The following SPIDR variants were observed in gnomAD, a reference collection of about 807,000 sequenced individuals.
SPIDR encodes scaffold protein involved in DNA repair, also known as DNA repair-scaffolding protein.
Under a neutral mutation model 104.6 loss-of-function variants are expected in SPIDR, and 93 were observed. That is an observed-to-expected ratio of 0.89 (90% CI 0.75 to 1.06). SPIDR has a LOEUF of 1.06. SPIDR is among the 50% of genes least tolerant of loss of function. SPIDR has a pLI of 0.00. For synonymous variants in SPIDR, 431 were observed against 416.9 expected (o/e 1.03, Z -0.41); for missense variants, 1,154 against 1,111.2 (o/e 1.04, Z -0.55).
At chr8:47,677,768 C>T (rs936204213) in intron 11 of SPIDR, among the ~76,000 whole-genome samples, 2 of 152,160 alleles carry the variant, frequency 1.3e-5, no homozygotes, top group Non-Finnish European at 2.9e-5. Flanking sequence ...CAGAAGGTTT[C>T]ATGAAAGAAG....
intron 4 of SPIDR, among the ~76,000 whole-genome samples, chr8:47,291,820 G>A (rs1239269860): frequency 6.6e-6 from 1 of 152,154 alleles, no homozygotes; most frequent in Non-Finnish European, 1.5e-5. Flanking sequence ...GTGTGGTAGA[G>A]GTGTAACGTA....
intron 10 of SPIDR, among the ~76,000 whole-genome samples, chr8:47,655,344 C>T (rs147469594): frequency 1.1e-3 from 160 of 152,306 alleles, no homozygotes; most frequent in African/African-American, 3.5e-3. Context: ...GTCCCACCAA[C>T]AGTAAAACTG....
At chr8:47,451,594 A>G (rs2071746981) in intron 8 of SPIDR, among the ~76,000 whole-genome samples, 1 of 151,784 alleles carries the variant, frequency 6.6e-6, no homozygotes, top group Non-Finnish European at 1.5e-5. Context: ...ACACACACAC[A>G]CACACACACA....
At chr8:47,427,373 A>G (rs942436485) in intron 7 of SPIDR, among the ~76,000 whole-genome samples, 1 of 151,638 alleles carries the variant, frequency 6.6e-6, no homozygotes. Context: ...TGTTTTTACC[A>G]TTATAGGGAG....
At chr8:47,317,623 G>A (rs1336729486) in intron 5 of SPIDR, among the ~76,000 whole-genome samples, 3 of 152,258 alleles carry the variant, frequency 2.0e-5, no homozygotes, top group East Asian at 3.9e-4. Flanking sequence ...GCAGCTGGAG[G>A]TCTGAGAACA....
chr8:47,303,167 G>C (rs1172564752), intron 5 of SPIDR, among the ~76,000 whole-genome samples: 1 of 152,188 alleles, frequency 6.6e-6, no homozygotes, highest in Non-Finnish European at 1.5e-5. Context: ...CCGCAGCCTG[G>C]CTGCTGCCTT....
intron 5 of SPIDR, among the ~76,000 whole-genome samples, chr8:47,323,207 T>C (rs1275067516): frequency 6.6e-6 from 1 of 152,198 alleles, no homozygotes; most frequent in African/African-American, 2.4e-5. Flanking sequence ...ATGTATATAT[T>C]GGTTTTTGCT....
chr8:47,380,331 C>T (rs782596533), intron 5 of SPIDR, among the ~76,000 whole-genome samples: 1 of 152,180 alleles, frequency 6.6e-6, no homozygotes, highest in Non-Finnish European at 1.5e-5. Flanking sequence ...GTCAGAATTC[C>T]ACAGGTGTAC....
At chr8:47,613,751 T>G (rs2063897922) in intron 10 of SPIDR, among the ~76,000 whole-genome samples, 1 of 152,218 alleles carries the variant, frequency 6.6e-6, no homozygotes, top group African/African-American at 2.4e-5. Flanking sequence ...GAGCTTCTTT[T>G]CATGTGCTCA....
intron 8 of SPIDR, among the ~76,000 whole-genome samples, chr8:47,505,166 CA>C (rs2154373325): frequency 6.6e-6 from 1 of 152,336 alleles, no homozygotes; most frequent in East Asian, 1.9e-4. Flanking sequence ...GGCTGTCAGA[CA>C]GGGACATTTC....
At chr8:47,477,010 G>A (rs2076365330) in intron 8 of SPIDR, among the ~76,000 whole-genome samples, 1 of 152,168 alleles carries the variant, frequency 6.6e-6, no homozygotes, top group Admixed American at 6.5e-5. Flanking sequence ...AGTACAAGCT[G>A]CCAGAGTAAC....
At chr8:47,386,902 G>GAGATATAGATATAGATATAGATAT (rs201038403) in intron 5 of SPIDR, among the ~76,000 whole-genome samples, 6 of 99,406 alleles carry the variant, frequency 6.0e-5, no homozygotes, top group South Asian at 3.1e-4. Context: ...AAGAGAGAGA[G>GAGATATAGATATAGATATAGATAT]AGATATAGAT....
intron 8 of SPIDR, among the ~76,000 whole-genome samples, chr8:47,464,766 T>C (rs1236911407): frequency 6.6e-6 from 1 of 152,090 alleles, no homozygotes; most frequent in East Asian, 1.9e-4. Flanking sequence ...TTTTGTTTTT[T>C]TCTATTTTGA....
At chr8:47,378,697 AT>A (rs1372978310) in intron 5 of SPIDR, among the ~76,000 whole-genome samples, 3 of 152,166 alleles carry the variant, frequency 2.0e-5, no homozygotes, top group African/African-American at 7.2e-5. Context: ...AAGTAATCTC[AT>A]GAGGATTATT....
intron 14 of SPIDR, among the ~76,000 whole-genome samples, chr8:47,709,916 A>T (rs937736894): frequency 7.3e-6 from 1 of 137,376 alleles, no homozygotes; most frequent in African/African-American, 2.8e-5. Context: ...ATGCTCTGTC[A>T]GTCAGGCTGG....
rs532443046 is a variant in SPIDR, at chr8:47,546,667, G to A, written c.1098-49144G>A. On this transcript the variant is annotated intron_variant, in intron 8 of 19. Coordinates refer to ENST00000297423, the MANE Select transcript of SPIDR (RefSeq NM_001080394.4). ...GTTTATTTTGCTCTTGTTTTCCTAAGTTCCTGGAGAGGTAGCCTAGATTGT... is the reference window on the plus strand; with the variant it reads ...GTTTATTTTGCTCTTGTTTTCCTAAATTCCTGGAGAGGTAGCCTAGATTGT... 6.5e-5 allele frequency: 10 copies of A among 153,326 alleles called. No homozygotes were observed. In the South Asian group the frequency reaches 2.0e-3, roughly 31 times the overall value. The allele number at this position is 153,326 out of a possible 1,614,324, so 9.5% of individuals were successfully genotyped here. A position where few individuals can be genotyped will look rare whatever the true frequency, so the allele number is the denominator to read the frequency against.
At position 47,311,796 on chromosome 8, in the gene SPIDR, G is replaced by A. The variant is rs587694116; in HGVS notation, c.525+17766G>A. Reference sequence around the variant, plus strand: ...GGGTTTGTTACATATGTATACATGTGCCATGTTGGTGTGCTGCACCCATTA... The same window carrying A: ...GGGTTTGTTACATATGTATACATGTACCATGTTGGTGTGCTGCACCCATTA... On this transcript the variant is annotated intron_variant, in intron 5 of 19. Transcript: ENST00000297423. Among the ~76,000 whole-genome samples the A allele has an allele frequency of 2.0e-5, 3 of 151,934 alleles. No individual in the cohort carries two copies. In the South Asian group the frequency reaches 6.2e-4, roughly 32 times the overall value.
chr8:47,484,675 A>G (rs1554729555), intron 8 of SPIDR, among the ~76,000 whole-genome samples: 1 of 152,226 alleles, frequency 6.6e-6, no homozygotes, highest in African/African-American at 2.4e-5. Context: ...CTGATACCAG[A>G]CACAATTGTG....
chr8:47,422,025 G>A (rs1166176795), intron 7 of SPIDR, among the ~76,000 whole-genome samples: 1 of 152,196 alleles, frequency 6.6e-6, no homozygotes, highest in Admixed American at 6.5e-5. Context: ...CCCTACTCAG[G>A]GGTGCCTCAC....
Sources: gnomAD v4.1 joint callset for allele counts (sites outside exome capture counted in the v4.1 genomes callset) on GRCh38, gnomAD v4.1.1 for gene constraint, MANE v1.5 for transcripts, NCBI Gene and HGNC (gene_info 2026-07-23, HGNC 2026-07-21) for gene names.